Variants in MGAT4C observed in about 807,000 individuals in gnomAD.
MGAT4C encodes alpha-1,3-mannosyl-glycoprotein 4-beta-N-acetylglucosaminyltransferase C.
In MGAT4C, 19 loss-of-function variants were observed where a neutral mutation model predicts 40.1. The ratio of observed to expected loss-of-function variants is 0.47; its 90% CI spans 0.33 to 0.70. MGAT4C has a LOEUF of 0.70. MGAT4C is among the 30% of genes least tolerant of loss of function. The pLI is 0.02. For synonymous variants in MGAT4C, 181 were observed against 187.1 expected (o/e 0.97, Z 0.27); for missense variants, 491 against 563.2 (o/e 0.87, Z 1.30).
At chr12:86,817,003 A>T (rs1952619161) in intron 1 of MGAT4C, among the ~76,000 whole-genome samples, 1 of 150,728 alleles carries the variant, frequency 6.6e-6, no homozygotes, top group Admixed American at 6.7e-5. Context: ...TTTCTTTTAC[A>T]TTCTTATTCT....
chr12:85,989,797 CG>C (rs1592621935), intron 2 of MGAT4C, among the ~76,000 whole-genome samples: 1 of 151,772 alleles, frequency 6.6e-6, no homozygotes, highest in Non-Finnish European at 1.5e-5. Context: ...TAGTTACTGA[CG>C]AAAAAAGATG....
At chr12:86,543,665 C>T (rs1959179283) in intron 2 of MGAT4C, among the ~76,000 whole-genome samples, 1 of 152,008 alleles carries the variant, frequency 6.6e-6, no homozygotes. Context: ...TGTAGGGAAA[C>T]ATTACTAGTA....
At position 86,481,014 on chromosome 12, in the gene MGAT4C, C is replaced by T. The variant is rs58014013; in HGVS notation, c.-228-45749G>A. Reference sequence around the variant, plus strand: ...GAATGTGAGAAATACAATCTTTCAACGTAAAACAAAACATTCCAAAATAAA... The same window carrying T: ...GAATGTGAGAAATACAATCTTTCAATGTAAAACAAAACATTCCAAAATAAA... On this transcript the variant is annotated intron_variant, in intron 2 of 7. Transcript: ENST00000548651. Among the ~76,000 whole-genome samples the T allele has an allele frequency of 3.0e-3, 461 of 151,844 alleles. 1 individual carries two copies. The highest frequency in any genetic ancestry group is 0.01 in the African/African-American group (430 of 41,460).
intron 2 of MGAT4C, among the ~76,000 whole-genome samples, chr12:86,561,281 G>A (rs1480357419): frequency 6.6e-6 from 1 of 152,170 alleles, no homozygotes; most frequent in Non-Finnish European, 1.5e-5. Context: ...TTAATACTGA[G>A]TGTCAACTTG....
At chr12:86,482,773 C>G (rs1957958233) in intron 2 of MGAT4C, among the ~76,000 whole-genome samples, 1 of 152,074 alleles carries the variant, frequency 6.6e-6, no homozygotes, top group Non-Finnish European at 1.5e-5. Flanking sequence ...AAATTATAGT[C>G]ATATATGATA....
chr12:86,561,622 T>A (rs1195911270), intron 2 of MGAT4C, among the ~76,000 whole-genome samples: 2 of 152,310 alleles, frequency 1.3e-5, no homozygotes, highest in South Asian at 4.1e-4. Flanking sequence ...CTCATAGTAT[T>A]TCTAATTTTG....
chr12:86,688,027 T>C (rs972605719), intron 2 of MGAT4C, among the ~76,000 whole-genome samples: 2 of 152,180 alleles, frequency 1.3e-5, no homozygotes, highest in Admixed American at 6.6e-5. Context: ...CTGTACTGGG[T>C]GCATATTTAT....
At chr12:86,526,389 C>G (rs188804841) in intron 2 of MGAT4C, among the ~76,000 whole-genome samples, 182 of 152,258 alleles carry the variant, frequency 1.2e-3, no homozygotes, top group Middle Eastern at 6.8e-3. Flanking sequence ...AAGCAACACA[C>G]ACACACAAAG....
At chr12:86,110,762 TACTC>T (rs1170868871) in intron 1 of MGAT4C, among the ~76,000 whole-genome samples, 4 of 151,878 alleles carry the variant, frequency 2.6e-5, no homozygotes, top group Middle Eastern at 3.4e-3. Flanking sequence ...GGATTTATAA[TACTC>T]AGTTGAGGAT....
intron 4 of MGAT4C, among the ~76,000 whole-genome samples, chr12:86,289,672 G>T (rs898602854): frequency 3.9e-5 from 6 of 152,086 alleles, no homozygotes; most frequent in Non-Finnish European, 8.8e-5. Context: ...TGGCTATTGC[G>T]AGTGGGATTG....
At chr12:86,290,266 G>A (rs1324719982) in intron 4 of MGAT4C, among the ~76,000 whole-genome samples, 3 of 152,064 alleles carry the variant, frequency 2.0e-5, no homozygotes, top group Non-Finnish European at 4.4e-5. Flanking sequence ...TGAACTCCTG[G>A]CCTCAGGTGA....
At chr12:86,173,250 C>T (rs1210531180) in intron 1 of MGAT4C, among the ~76,000 whole-genome samples, 1 of 152,058 alleles carries the variant, frequency 6.6e-6, no homozygotes, top group African/African-American at 2.4e-5. Flanking sequence ...TCTGTATCAG[C>T]AATTTTCATA....
chr12:86,836,752 A>G (rs1472587869), intron 1 of MGAT4C, among the ~76,000 whole-genome samples: 1 of 152,106 alleles, frequency 6.6e-6, no homozygotes, highest in Non-Finnish European at 1.5e-5. Context: ...TCAAAAGGCA[A>G]ATTAAAGAAT....
At chr12:86,190,199 CT>C (rs1889223960) in intron 1 of MGAT4C, among the ~76,000 whole-genome samples, 1 of 151,812 alleles carries the variant, frequency 6.6e-6, no homozygotes, top group Admixed American at 6.6e-5. Flanking sequence ...TTGATAGCAC[CT>C]TTTTTATTAC....
At chr12:86,096,429 C>T (rs1873933270) in intron 1 of MGAT4C, among the ~76,000 whole-genome samples, 2 of 150,000 alleles carry the variant, frequency 1.3e-5, no homozygotes, top group Admixed American at 1.3e-4. Flanking sequence ...CCTTCCCTTC[C>T]TTTTTTTTCT....
At chr12:86,290,562 A>G (rs927814976) in intron 4 of MGAT4C, among the ~76,000 whole-genome samples, 14 of 152,192 alleles carry the variant, frequency 9.2e-5, no homozygotes, top group Non-Finnish European at 1.5e-4. Context: ...TTGCAAGAGA[A>G]TAAAGTAGGT....
intron 2 of MGAT4C, among the ~76,000 whole-genome samples, chr12:86,641,124 G>A (rs1963370245): frequency 6.6e-6 from 1 of 151,756 alleles, no homozygotes. Context: ...CAACCCAAAT[G>A]TCCAACAATG....
chr12:86,641,678 T>C (rs1208244260), intron 2 of MGAT4C, among the ~76,000 whole-genome samples: 5 of 151,828 alleles, frequency 3.3e-5, no homozygotes, highest in Non-Finnish European at 7.4e-5. Flanking sequence ...TGCAGAGATA[T>C]ATAGGCAACT....
intron 2 of MGAT4C, among the ~76,000 whole-genome samples, chr12:86,023,786 C>G (rs1890000319): frequency 6.6e-6 from 1 of 151,572 alleles, no homozygotes; most frequent in Non-Finnish European, 1.5e-5. Context: ...TTGGAGTCTA[C>G]AAGAATAATT....
Sources: gnomAD v4.1 joint callset for allele counts (sites outside exome capture counted in the v4.1 genomes callset) on GRCh38, gnomAD v4.1.1 for gene constraint, MANE v1.5 for transcripts, NCBI Gene and HGNC (gene_info 2026-07-23, HGNC 2026-07-21) for gene names.